Variants in SNX2 observed in about 807,000 individuals in gnomAD.
SNX2 encodes the protein sorting nexin 2.
Under a neutral mutation model 69.9 loss-of-function variants are expected in SNX2, and 25 were observed. The ratio of observed to expected loss-of-function variants is 0.36; its 90% confidence interval spans 0.26 to 0.50. SNX2 has a LOEUF of 0.50. Ranked by LOEUF, SNX2 falls within the 20% of genes least tolerant of loss-of-function variation. The probability of loss-of-function intolerance (pLI) is 0.97; values close to 1 mark genes in which losing one functional copy is unlikely to be tolerated. For synonymous variants in SNX2, 229 were observed against 200.4 expected, an observed-to-expected ratio of 1.14 and a Z score of -1.20; for missense variants, 551 against 613.3, an observed-to-expected ratio of 0.90 and a Z score of 1.07.
chr5:122,801,960 G>A (rs765862525), intron 4 of SNX2, 25 bp downstream of exon 4: 11 of 1,560,834 alleles, frequency 7.0e-6, no homozygotes, highest in South Asian at 2.3e-5. Context: ...ATTATATTTT[G>A]TATTTACTTT....
chr5:122,798,375 A>G (rs1008987842), intron 2 of SNX2, among the ~76,000 whole-genome samples: 7 of 152,174 alleles, frequency 4.6e-5, no homozygotes, highest in Non-Finnish European at 1.0e-4. Context: ...TTCGCTTTTA[A>G]TATGAAAAAG....
chr5:122,798,950 A>G (rs1753448082), intron 2 of SNX2, among the ~76,000 whole-genome samples: 3 of 152,042 alleles, frequency 2.0e-5, no homozygotes, highest in Non-Finnish European at 4.4e-5. Context: ...AACATCCCAC[A>G]TGCTTTTGTC....
intron 3 of SNX2, among the ~76,000 whole-genome samples, chr5:122,801,652 C>CGTGTGTGTGTGTGTGTGTGTGTGT (rs61189602): frequency 8.3e-5 from 11 of 132,120 alleles, no homozygotes; most frequent in African/African-American, 3.0e-4. Context: ...TGGTCTTTTT[C>CGTGTGTGTGTGTGTGTGTGTGTGT]GTGTGTGTGT....
rs764618088 is a variant in SNX2, at chr5:122,818,928, A to G, written c.1117A>G (p.Lys373Glu). The change falls in exon 11 of 15, where the codon AAG becomes GAG. Residue 373 changes from lysine (K) to glutamate (E), a missense_variant. By Grantham distance (56) the Lys-to-Glu change is moderately conservative (BLOSUM62 1). Around this residue, in one of 2 missense-constraint regions of SNX2, gnomAD observed 360 missense variants for 450.4 expected, o/e 0.80. Coordinates refer to ENST00000379516, the MANE Select transcript of SNX2 (RefSeq NM_003100.4). ...GTCTCAGCTTGCAGAGGTTGAGGAG[A>G]AGATAGACCAGTTACATCAAGAACA... ...ALSQLAEVEE[K>E]IDQLHQEQAF... The G allele has an allele frequency of 1.2e-6, 2 of 1,613,940 alleles. No individual in the cohort carries two copies. The highest frequency in any genetic ancestry group is 8.5e-7 in the Non-Finnish European group (1 of 1,179,878).
chr5:122,827,737 T>A, intron 14 of SNX2, 91 bp downstream of exon 14: 1 of 850,846 alleles, frequency 1.2e-6, no homozygotes, highest in Non-Finnish European at 1.9e-6. Flanking sequence ...ACTGGGCATT[T>A]AAACTCAAGA....
intron 1 of SNX2, among the ~76,000 whole-genome samples, chr5:122,787,999 T>C (rs998205003): frequency 6.6e-6 from 1 of 152,232 alleles, no homozygotes; most frequent in Non-Finnish European, 1.5e-5. Context: ...TGCTTTTCCT[T>C]TACCCAAGGT....
chr5:122,801,371 G>A (rs976033221), intron 3 of SNX2, among the ~76,000 whole-genome samples: 10 of 152,066 alleles, frequency 6.6e-5, no homozygotes, highest in African/African-American at 1.4e-4. Context: ...TTGGGAGACC[G>A]AGGTGGGCAG....
Position 122,827,426 on chromosome 5 carries a change from TA to T in SNX2, c.1408del (p.Thr470ArgfsTer14). On this transcript the variant is annotated frameshift_variant, in exon 13 of 15. Transcript: ENST00000379516. LOFTEE classifies it high-confidence loss of function. The part of the protein sequence containing the change: ...QGERDFEQIS[K>X]TIRKEVGRFE... The stretch of plus-strand genomic sequence containing the variant: ...GGGAAAGAGATTTTGAACAGATATC[TA>T]AAACGATTCGAAAAGAAGTGGGAAG... The T allele has an allele frequency of 1.2e-6, 2 of 1,613,546 alleles. No individual in the cohort carries two copies. Among genetic ancestry groups the T allele is most frequent in the Non-Finnish European group, 1.7e-6 (2 of 1,179,634 alleles).
intron 7 of SNX2, among the ~76,000 whole-genome samples, chr5:122,808,944 A>G (rs999526742): frequency 6.6e-6 from 1 of 152,104 alleles, no homozygotes; most frequent in African/African-American, 2.4e-5. Flanking sequence ...TGTTTGTATA[A>G]TTGATTTTTA....
chr5:122,827,743 C>T (rs1347185181), intron 14 of SNX2, 97 bp downstream of exon 14: 2 of 802,618 alleles, frequency 2.5e-6, no homozygotes, highest in Non-Finnish European at 4.0e-6. Context: ...CATTTAAACT[C>T]AAGAATAAGA....
intron 7 of SNX2, among the ~76,000 whole-genome samples, chr5:122,814,104 T>G (rs1753844977): frequency 6.6e-6 from 1 of 152,202 alleles, no homozygotes; most frequent in Admixed American, 6.5e-5. Flanking sequence ...TTTGTCCTTC[T>G]TGGGTTTTTG....
At chr5:122,792,597 C>CAA (rs34776409) in intron 1 of SNX2, among the ~76,000 whole-genome samples, 26,906 of 107,794 alleles carry the variant, frequency 0.25, 2,864 homozygotes, top group East Asian at 0.49. Flanking sequence ...AACTTCATCT[C>CAA]AAAAAAAAAA....
At chr5:122,824,290 TTA>T (rs559675531) in intron 11 of SNX2, among the ~76,000 whole-genome samples, 26 of 152,188 alleles carry the variant, frequency 1.7e-4, no homozygotes, top group Middle Eastern at 3.4e-3. Context: ...TTAGTATGTT[TTA>T]TGTGTGGCCC....
At position 122,789,474 on chromosome 5, in the gene SNX2, G is replaced by GACACACACACACAC. The variant is rs60199625; in HGVS notation, c.109-5775_109-5762dup. Among the ~76,000 whole-genome samples the GACACACACACACAC allele has an allele frequency of 3.8e-3, 557 of 144,702 alleles. 1 individual carries two copies. The highest frequency in any genetic ancestry group is 0.017 in the East Asian group (81 of 4,854). The allele number at this position is 144,702 out of a possible 152,430, so 94.9% of individuals were successfully genotyped here. On this transcript the variant is annotated intron_variant, in intron 1 of 14. Coordinates refer to ENST00000379516, the MANE Select transcript of SNX2 (RefSeq NM_003100.4). ...ACACACACACACACAGACACACACG[G>GACACACACACACAC]ACACACACACACACACACACACACA... is the stretch of plus-strand genomic sequence containing the variant.
chr5:122,792,321 C>CA (rs1753260468), intron 1 of SNX2, among the ~76,000 whole-genome samples: 1 of 152,216 alleles, frequency 6.6e-6, no homozygotes, highest in South Asian at 2.1e-4. Context: ...CTGTTGGGCG[C>CA]AGTGGCTCAC....
intron 1 of SNX2, among the ~76,000 whole-genome samples, chr5:122,779,106 A>G (rs1326458350): frequency 6.6e-6 from 1 of 152,222 alleles, no homozygotes; most frequent in Non-Finnish European, 1.5e-5. Context: ...TTTTAAAAAA[A>G]AGGTCAGGAA....
intron 1 of SNX2, among the ~76,000 whole-genome samples, chr5:122,779,998 G>T (rs13162058): frequency 6.6e-6 from 1 of 152,118 alleles, no homozygotes; most frequent in Non-Finnish European, 1.5e-5. Context: ...GGAGAAAAGA[G>T]AACTTATGTA....
chr5:122,829,695 A>AAC lies in SNX2; in HGVS notation c.*47_*48insAC. The AAC allele has an allele frequency of 6.8e-7, 1 of 1,464,392 alleles. No homozygotes were observed. Among genetic ancestry groups the AAC allele is most frequent in the Non-Finnish European group, 9.6e-7 (1 of 1,044,160 alleles). The allele number at this position is 1,464,392 out of a possible 1,614,324, so 90.7% of individuals were successfully genotyped here. ...GAAGACCTTGGATGTTGTTCCAGTTATGCTGGATTCCACAGTGAAATCATT... is the reference window on the plus strand; with the variant it reads ...GAAGACCTTGGATGTTGTTCCAGTTAACTGCTGGATTCCACAGTGAAATCATT... On this transcript the variant is annotated 3_prime_UTR_variant, in exon 15 of 15. Coordinates refer to ENST00000379516, the MANE Select transcript of SNX2 (RefSeq NM_003100.4).
intron 11 of SNX2, among the ~76,000 whole-genome samples, chr5:122,824,294 G>C (rs541982321): frequency 1.3e-5 from 2 of 150,758 alleles, no homozygotes; most frequent in South Asian, 4.2e-4. Flanking sequence ...TATGTTTTAT[G>C]TGTGGCCCAA....
Sources: allele counts gnomAD v4.1 joint callset (sites outside exome capture counted in the v4.1 genomes callset), GRCh38; gene constraint gnomAD v4.1.1; regional missense constraint gnomAD v4.1.1; transcripts MANE v1.5; gene names NCBI Gene and HGNC (gene_info 2026-07-23, HGNC 2026-07-21).